Variants in PAXIP1 observed in about 807,000 individuals in gnomAD.
The protein encoded by PAXIP1 is PAX-interacting protein 1.
A neutral mutation model predicts 140.6 loss-of-function variants in PAXIP1; 19 were observed. The ratio of observed to expected loss-of-function variants is 0.14; its 90% CI spans 0.09 to 0.20. The LOEUF is 0.20. PAXIP1 is among the 10% of genes least tolerant of loss of function. The pLI is 1.00. For missense variants in PAXIP1, 920 were observed against 1,208.6 expected (o/e 0.76, Z 3.54); for synonymous variants, 442 against 444.6 (o/e 0.99, Z 0.07).
rs771599717 is a variant in PAXIP1 at position 154,959,874 on chromosome 7, T to G, written c.2478+16A>C. On this transcript the variant is annotated intron_variant, in intron 13 of 20. Transcript: ENST00000404141. ...AATACAGTAATAGCCAAGGTAAGGT[T>G]ATTAATTTGACATACCATCAACAAC... The G allele has an allele frequency of 1.1e-5, 17 of 1,558,122 alleles. 1 individual carries two copies. The South Asian group carries it at 1.9e-4, about 17-fold the overall frequency.
chr7:155,003,040 C>T lies in PAXIP1; in HGVS notation c.-111G>A. 3.4e-6 allele frequency: 1 copy of T among 292,796 alleles called. No individual in the cohort carries two copies. The highest frequency in any genetic ancestry group is 5.0e-6 in the Non-Finnish European group (1 of 200,088). The allele number at this position is 292,796 out of a possible 1,614,324, so 18.1% of individuals were successfully genotyped here. A position where few individuals can be genotyped will look rare whatever the true frequency, so the allele number is the denominator to read the frequency against. On this transcript the variant is annotated 5_prime_UTR_variant, in exon 1 of 21. Coordinates refer to ENST00000404141, the MANE Select transcript of PAXIP1 (RefSeq NM_007349.4). Reference sequence around the variant, plus strand: ...CTCGCCCCGCCAACGGCCCTGCCCGCGCAGCCCGGGCCCGGTCCTGCGAAT... The same window carrying T: ...CTCGCCCCGCCAACGGCCCTGCCCGTGCAGCCCGGGCCCGGTCCTGCGAAT...
At chr7:154,947,424 C>G (rs1431850075) in intron 17 of PAXIP1, 2 of 155,468 alleles carry the variant, frequency 1.3e-5, no homozygotes, top group African/African-American at 2.4e-5. Flanking sequence ...AAAAAAATTC[C>G]TAGCTGTTCT....
chr7:154,975,631 A>T, intron 6 of PAXIP1, 65 bp downstream of exon 6: 1 of 1,146,008 alleles, frequency 8.7e-7, no homozygotes, highest in Non-Finnish European at 1.2e-6. Context: ...AACTACATTG[A>T]AATAGACTGT....
At chr7:154,965,602 G>C (rs945263706) in intron 8 of PAXIP1, 1 of 152,174 alleles carries the variant, frequency 6.6e-6, no homozygotes, top group Non-Finnish European at 1.5e-5. Context: ...AAAACGACGA[G>C]GATGAAGACC....
At chr7:154,976,363 A>G (rs1238516785) in intron 5 of PAXIP1, 32 bp from the exon 6 acceptor site, 1 of 1,525,208 alleles carries the variant, frequency 6.6e-7, no homozygotes, top group Non-Finnish European at 8.8e-7. Context: ...ACACAAAACA[A>G]AGCTGTAAAT....
intron 16 of PAXIP1, chr7:154,949,109 A>G (rs939250354): frequency 2.0e-5 from 3 of 152,188 alleles, no homozygotes; most frequent in Non-Finnish European, 1.5e-5. Flanking sequence ...CATACAGCAT[A>G]ATAAGGCAGC....
chr7:154,998,048 G>A (rs909736833), intron 2 of PAXIP1, among the ~76,000 whole-genome samples: 1 of 152,228 alleles, frequency 6.6e-6, no homozygotes, highest in African/African-American at 2.4e-5. Flanking sequence ...CTTCCAGGCA[G>A]TGGTAACGTG....
chr7:154,975,498 A>T (rs969421065), intron 6 of PAXIP1, among the ~76,000 whole-genome samples, 198 bp downstream of exon 6: 1 of 144,724 alleles, frequency 6.9e-6, no homozygotes, highest in African/African-American at 2.6e-5. Context: ...TTTTTCAATG[A>T]CCCTGAAATA....
chr7:154,958,435 T>G (rs1258104206), intron 13 of PAXIP1, among the ~76,000 whole-genome samples: 2 of 152,272 alleles, frequency 1.3e-5, no homozygotes, highest in East Asian at 1.9e-4. Flanking sequence ...TTATTTTTTC[T>G]AAATATTGCT....
chr7:154,945,899 T>C, intron 20 of PAXIP1: 2 of 985,412 alleles, frequency 2.0e-6, no homozygotes, highest in Non-Finnish European at 2.4e-6. Context: ...GACCTTTGCA[T>C]TTTCCTGACA....
Position 154,961,594 on chromosome 7 carries a change from C to T in PAXIP1, c.2182G>A (p.Ala728Thr). Residue 728 changes from alanine to threonine, a missense_variant, in exon 11 of 21, where the codon GCT becomes ACT. By Grantham distance (58) the Ala-to-Thr change is moderately conservative (BLOSUM62 0). Around this residue, in one of 5 missense-constraint regions of PAXIP1, gnomAD observed 303 missense variants for 517.9 expected, o/e 0.59. Coordinates refer to ENST00000404141, the MANE Select transcript of PAXIP1 (RefSeq NM_007349.4). Reference sequence around the variant, plus strand: ...GTATATTTGGCACCTGCCAAATAAGCCATTAATTTTAGGTCATCTCTGTCA... The same window carrying T: ...GTATATTTGGCACCTGCCAAATAAGTCATTAATTTTAGGTCATCTCTGTCA... ...DSDRDDLKLM[A>T]YLAGAKYTGY... 1 of 1,605,416 alleles carries T rather than the reference C, an allele frequency of 6.2e-7. No individual in the cohort carries two copies. The highest frequency in any genetic ancestry group is 1.1e-5 in the South Asian group (1 of 89,438).
chr7:154,996,595 C>T (rs190538347), intron 2 of PAXIP1, among the ~76,000 whole-genome samples: 36 of 152,270 alleles, frequency 2.4e-4, no homozygotes, highest in Admixed American at 5.9e-4. Flanking sequence ...CACCTCACAG[C>T]GGCGACCCCA....
chr7:154,961,182 T>C (rs1808739365), intron 11 of PAXIP1, 105 bp from the exon 12 acceptor site: 2 of 956,350 alleles, frequency 2.1e-6, no homozygotes, highest in Non-Finnish European at 1.5e-6. Flanking sequence ...TTTCTCATAA[T>C]AGAAGTGGGA....
intron 4 of PAXIP1, among the ~76,000 whole-genome samples, chr7:154,989,047 C>T (rs1292291002): frequency 1.3e-5 from 2 of 152,088 alleles, no homozygotes; most frequent in African/African-American, 4.8e-5. Context: ...TATGAAAAAA[C>T]ATTGCAAAAT....
chr7:154,977,903 A>G (rs568620511), intron 5 of PAXIP1, among the ~76,000 whole-genome samples: 6 of 151,496 alleles, frequency 4.0e-5, no homozygotes, highest in Non-Finnish European at 7.4e-5. Context: ...TTTTTAATGT[A>G]CATTTTCGAA....
At chr7:154,948,041 A>G in intron 16 of PAXIP1, 38 bp from the exon 17 acceptor site, 4 of 1,428,898 alleles carry the variant, frequency 2.8e-6, no homozygotes, top group Non-Finnish European at 4.0e-6. Flanking sequence ...AAAAGTGTGG[A>G]CACGTGAAGT....
Position 154,946,543 on chromosome 7 carries a change from A to G in PAXIP1, c.3102T>C (p.His1034=). The G allele has an allele frequency of 1.2e-6, 2 of 1,614,012 alleles. No individual in the cohort carries two copies. The highest frequency in any genetic ancestry group is 1.1e-5 in the South Asian group (1 of 91,084). Residue 1034 remains histidine (H), a synonymous_variant, in exon 19 of 21, where the codon CAT becomes CAC. Coordinates refer to ENST00000404141, the MANE Select transcript of PAXIP1 (RefSeq NM_007349.4). This position sits in a 1 kb window ranked among gnomAD's most constrained non-coding sequence, Gnocchi z 4.9. The part of the protein sequence containing the change: ...IILISCENDL[H]LCREYFARGI... ...CTCTGGCAAAATATTCTCGGCATAA[A>G]TGAAGGTCATTTTCACAGGATATTA...
At chr7:154,988,470 A>C (rs948191485) in intron 4 of PAXIP1, among the ~76,000 whole-genome samples, 1 of 152,236 alleles carries the variant, frequency 6.6e-6, no homozygotes, top group Non-Finnish European at 1.5e-5. Context: ...TTACAAATAT[A>C]AACTCTGTTA....
intron 4 of PAXIP1, among the ~76,000 whole-genome samples, chr7:154,987,127 T>A (rs1303738250): frequency 6.6e-6 from 1 of 152,102 alleles, no homozygotes; most frequent in Non-Finnish European, 1.5e-5. Context: ...CATCCTCCTA[T>A]CCCCACAGGG....
Sources: allele counts gnomAD v4.1 joint callset (sites outside exome capture counted in the v4.1 genomes callset), GRCh38; gene constraint gnomAD v4.1.1; regional missense constraint gnomAD v4.1.1; non-coding constraint Gnocchi (gnomAD v3.1); transcripts MANE v1.5; gene names NCBI Gene and HGNC (gene_info 2026-07-23, HGNC 2026-07-21).